Variants in PRKN observed in about 807,000 individuals in gnomAD.
PRKN encodes the protein parkin RBR E3 ubiquitin protein ligase.
A neutral mutation model predicts 59.5 loss-of-function variants in PRKN; 56 were observed. That is an observed-to-expected ratio of 0.94 (90% CI 0.76 to 1.18). The LOEUF (loss-of-function observed/expected upper bound fraction) is 1.18, where lower values mean the gene tolerates loss of function less well. Among genes scored for constraint, PRKN ranks in the 50% most tolerant of loss-of-function variants. The probability of loss-of-function intolerance (pLI) is 0.00; values close to 1 mark genes in which losing one functional copy is unlikely to be tolerated. For synonymous variants in PRKN, 250 were observed against 222.1 expected (o/e 1.13, Z -1.12); for missense variants, 657 against 596.4 (o/e 1.10, Z -1.06).
At chr6:162,505,265 T>C (rs746128938) in intron 1 of PRKN, among the ~76,000 whole-genome samples, 2 of 109,234 alleles carry the variant, frequency 1.8e-5, no homozygotes, top group Admixed American at 8.9e-5. Context: ...TTATTTGTAA[T>C]TGCAAAAAAT....
intron 4 of PRKN, among the ~76,000 whole-genome samples, chr6:162,118,054 C>T (rs766694415): frequency 2.6e-5 from 4 of 152,058 alleles, no homozygotes; most frequent in Non-Finnish European, 5.9e-5. Flanking sequence ...CAAGATCACG[C>T]TGTTGCACTC....
chr6:161,806,338 C>T (rs1409174316), intron 6 of PRKN, among the ~76,000 whole-genome samples: 1 of 152,180 alleles, frequency 6.6e-6, no homozygotes, highest in Non-Finnish European at 1.5e-5. Context: ...TTGTGGCTTC[C>T]CGAACACAGG....
At chr6:162,047,426 G>A (rs1000900660) in intron 5 of PRKN, among the ~76,000 whole-genome samples, 7 of 152,086 alleles carry the variant, frequency 4.6e-5, no homozygotes, top group African/African-American at 1.2e-4. Context: ...TGGAGCCCAC[G>A]GCTCTCATGC....
chr6:162,482,086 T>G (rs1315479658), intron 1 of PRKN, among the ~76,000 whole-genome samples: 1 of 152,150 alleles, frequency 6.6e-6, no homozygotes. Context: ...CAACACTCAC[T>G]GCCCAGAATA....
At chr6:162,157,166 C>T (rs1782548957) in intron 4 of PRKN, among the ~76,000 whole-genome samples, 2 of 151,490 alleles carry the variant, frequency 1.3e-5, no homozygotes, top group South Asian at 4.2e-4. Flanking sequence ...GATTACCTTC[C>T]TACTCTTTTT....
intron 6 of PRKN, among the ~76,000 whole-genome samples, chr6:161,796,706 A>G (rs1248475273): frequency 1.3e-5 from 2 of 152,202 alleles, no homozygotes; most frequent in Non-Finnish European, 2.9e-5. Context: ...TTCAGGTCAC[A>G]TTCTATTCAG....
chr6:162,444,219 G>A (rs577228881), intron 1 of PRKN, among the ~76,000 whole-genome samples: 2 of 152,056 alleles, frequency 1.3e-5, no homozygotes, highest in African/African-American at 4.8e-5. Flanking sequence ...CTCACTGCTT[G>A]AAGTCACGCT....
rs1466305342 is a variant in PRKN at position 161,429,129 on chromosome 6, C to T, written c.1084-42252G>A. On this transcript the variant is annotated intron_variant, in intron 9 of 11. Transcript: ENST00000366898. This position sits in a 1 kb window ranked among gnomAD's most constrained non-coding sequence, Gnocchi z 4.2. ...ATTGTGCCTTGAGATATTCACCTTTCCTTCAGAGTGAATGCTCCTATCACC... is the reference window on the plus strand; with the variant it reads ...ATTGTGCCTTGAGATATTCACCTTTTCTTCAGAGTGAATGCTCCTATCACC... Among the ~76,000 whole-genome samples the T allele has an allele frequency of 6.6e-6, 1 of 152,210 alleles. No individual in the cohort carries two copies. The highest frequency in any genetic ancestry group is 6.5e-5 in the Admixed American group (1 of 15,276).
At chr6:162,116,688 C>T (rs566896769) in intron 4 of PRKN, among the ~76,000 whole-genome samples, 1 of 152,246 alleles carries the variant, frequency 6.6e-6, no homozygotes, top group South Asian at 2.1e-4. Flanking sequence ...ATGTAAGGTG[C>T]TCACAGTCTA....
At chr6:162,128,401 T>C (rs1172576887) in intron 4 of PRKN, among the ~76,000 whole-genome samples, 1 of 152,120 alleles carries the variant, frequency 6.6e-6, no homozygotes, top group African/African-American at 2.4e-5. Flanking sequence ...AGATAATGCA[T>C]CAAAGCATTG....
At chr6:161,389,289 T>C (rs1227103157) in intron 9 of PRKN, among the ~76,000 whole-genome samples, 1 of 152,220 alleles carries the variant, frequency 6.6e-6, no homozygotes, top group Non-Finnish European at 1.5e-5. Flanking sequence ...GAAAAGTATT[T>C]TAATCTCAGG....
intron 1 of PRKN, among the ~76,000 whole-genome samples, chr6:162,643,475 C>T (rs1583968772): frequency 6.6e-6 from 1 of 150,580 alleles, no homozygotes; most frequent in East Asian, 1.9e-4. Context: ...TGAGCTGTCA[C>T]ATTTTAAATT....
At chr6:162,619,143 CCTT>C (rs1334333270) in intron 1 of PRKN, among the ~76,000 whole-genome samples, 186 of 93,932 alleles carry the variant, frequency 2.0e-3, no homozygotes, top group African/African-American at 7.2e-3. Context: ...CAGTATTTTT[CCTT>C]TTTTTTTTTT....
intron 5 of PRKN, among the ~76,000 whole-genome samples, chr6:161,999,350 C>CT (rs765625807): frequency 2.0e-5 from 3 of 152,148 alleles, no homozygotes; most frequent in Non-Finnish European, 4.4e-5. Context: ...GGACACTGGA[C>CT]TTTACTGGTG....
At chr6:162,668,743 T>C (rs1016282393) in intron 1 of PRKN, among the ~76,000 whole-genome samples, 7 of 152,032 alleles carry the variant, frequency 4.6e-5, no homozygotes, top group African/African-American at 1.7e-4. Context: ...CCTCGATGAG[T>C]GGGTGTGGCA....
intron 1 of PRKN, among the ~76,000 whole-genome samples, chr6:162,450,143 A>G: frequency 6.6e-6 from 1 of 152,158 alleles, no homozygotes; most frequent in East Asian, 1.9e-4. Context: ...TCTCTGGCTA[A>G]CCCCTGAATG....
rs1328523245 is a variant in PRKN, at chr6:162,367,656, G to C, written c.171+75654C>G. Among the ~76,000 whole-genome samples, 4 of 152,068 alleles carry C rather than the reference G, an allele frequency of 2.6e-5. No individual in the cohort carries two copies. In the East Asian group the frequency reaches 7.7e-4, roughly 29 times the overall value. On this transcript the variant is annotated intron_variant, in intron 2 of 11. Transcript: ENST00000366898. ...TTTTCAGGCCTTTTACAGGCAGGTT[G>C]TGTGTACTATTTAAAGTACTATTAA...
chr6:161,563,369 A>G (rs1159345613), intron 8 of PRKN, among the ~76,000 whole-genome samples: 3 of 152,202 alleles, frequency 2.0e-5, no homozygotes, highest in Non-Finnish European at 4.4e-5. Context: ...AGGTGGAGGA[A>G]GCTGGTATAA....
chr6:162,457,518 T>C (rs2128172966), intron 1 of PRKN, among the ~76,000 whole-genome samples: 1 of 152,192 alleles, frequency 6.6e-6, no homozygotes, highest in African/African-American at 2.4e-5. Context: ...TCTCAAGGTG[T>C]TTTATAATAC....
Sources: allele counts gnomAD v4.1 joint callset (sites outside exome capture counted in the v4.1 genomes callset), GRCh38; gene constraint gnomAD v4.1.1; non-coding constraint Gnocchi (gnomAD v3.1); transcripts MANE v1.5; gene names NCBI Gene and HGNC (gene_info 2026-07-23, HGNC 2026-07-21).